CACNA1C: variants seen among roughly 807,000 people sequenced by gnomAD.
CACNA1C encodes calcium voltage-gated channel subunit alpha1 C, also known as voltage-dependent L-type calcium channel subunit alpha-1C.
A neutral mutation model predicts 229.0 loss-of-function variants in CACNA1C; 30 were observed. The observed-to-expected ratio is 0.13, with a 90% CI of 0.10 to 0.18. The LOEUF (loss-of-function observed/expected upper bound fraction) is 0.18, where lower values mean the gene tolerates loss of function less well. Ranked by LOEUF, CACNA1C falls within the 10% of genes least tolerant of loss-of-function variation. The pLI is 1.00. For missense variants in CACNA1C, 1,658 were observed against 2,845.0 expected, an observed-to-expected ratio of 0.58 and a Z score of 9.49; for synonymous variants, 1,114 against 1,132.5, an observed-to-expected ratio of 0.98 and a Z score of 0.33.
At chr12:2,188,447 G>A (rs1413207330) in intron 3 of CACNA1C, among the ~76,000 whole-genome samples, 2 of 152,000 alleles carry the variant, frequency 1.3e-5, no homozygotes, top group Non-Finnish European at 2.9e-5. Flanking sequence ...TGATTTTCTA[G>A]TTTTATATTT....
In CACNA1C at chr12:2,694,274, A is replaced by G. The variant is rs745934104; in HGVS notation, c.*3075A>G. 6.6e-6 allele frequency: 1 copy of G among 152,100 alleles called. No individual in the cohort carries two copies. Among genetic ancestry groups the G allele is most frequent in the Non-Finnish European group, 1.5e-5 (1 of 68,020 alleles). The allele number at this position is 152,100 out of a possible 1,614,324, so 9.4% of individuals were successfully genotyped here. On this transcript the variant is annotated 3_prime_UTR_variant, in exon 47 of 47. Coordinates refer to ENST00000399655, the MANE Select transcript of CACNA1C (RefSeq NM_000719.7). ...CAGCACAATCTTCCAAGTGATGTCT[A>G]CTCTCCACCTAAAATGGAATTTTCC...
intron 3 of CACNA1C, among the ~76,000 whole-genome samples, chr12:2,221,292 C>T (rs10774034): frequency 0.36 from 55,003 of 151,980 alleles, 10,427 homozygotes; most frequent in Non-Finnish European, 0.4. Context: ...TTTTAGAATA[C>T]CATCATTCTG....
intron 1 of CACNA1C, among the ~76,000 whole-genome samples, chr12:2,083,250 A>G (rs2066354093): frequency 6.6e-6 from 1 of 152,264 alleles, no homozygotes; most frequent in Non-Finnish European, 1.5e-5. Context: ...GGTGTCTTAC[A>G]GGCAAACAAA....
rs2099704080 is a variant in CACNA1C at position 2,488,112 on chromosome 12, G to A, written c.916+1850G>A. Among the ~76,000 whole-genome samples, 1 of 152,230 alleles carries A rather than the reference G, an allele frequency of 6.6e-6. No individual in the cohort carries two copies. Among genetic ancestry groups the A allele is most frequent in the African/African-American group, 2.4e-5 (1 of 41,468 alleles). ...GGTAGAATTCAGCCATCGAGCCAAA[G>A]ATGGCGGCCCTGCTGTGCAATCAGA... On this transcript the variant is annotated intron_variant, in intron 6 of 46. Transcript: ENST00000399655. The surrounding 1 kb of genome is among the most constrained non-coding windows in gnomAD (Gnocchi z 4.0).
intron 3 of CACNA1C, among the ~76,000 whole-genome samples, chr12:2,236,114 C>A (rs1201474683): frequency 2.6e-5 from 4 of 152,206 alleles, no homozygotes; most frequent in African/African-American, 9.6e-5. Context: ...AAGTTCCATT[C>A]CATCTCAGCC....
At chr12:2,422,888 A>C (rs2098992777) in intron 3 of CACNA1C, among the ~76,000 whole-genome samples, 2 of 152,206 alleles carry the variant, frequency 1.3e-5, no homozygotes, top group Non-Finnish European at 2.9e-5. Flanking sequence ...AACGCTGGCC[A>C]GGTCAGGGTG....
intron 19 of CACNA1C, 116 bp downstream of exon 19, chr12:2,593,461 A>C: frequency 9.3e-7 from 1 of 1,071,380 alleles, no homozygotes; most frequent in Non-Finnish European, 1.3e-6. Flanking sequence ...GCTCCTTGCA[A>C]ATTGTATAAA....
chr12:1,980,298 G>A (rs2035738801), intron 1 of CACNA1C, among the ~76,000 whole-genome samples: 2 of 152,232 alleles, frequency 1.3e-5, no homozygotes, highest in Admixed American at 6.5e-5. Context: ...AAGAAACTAC[G>A]GCTACATGCA....
intron 3 of CACNA1C, among the ~76,000 whole-genome samples, chr12:2,286,462 C>G (rs1174256195): frequency 6.6e-6 from 1 of 152,202 alleles, no homozygotes; most frequent in Admixed American, 6.5e-5. Context: ...AGGCTCTGCA[C>G]AGTAAGGACC....
intron 3 of CACNA1C, among the ~76,000 whole-genome samples, chr12:2,396,446 C>T (rs987057869): frequency 1.3e-5 from 2 of 152,148 alleles, no homozygotes; most frequent in Non-Finnish European, 2.9e-5. Flanking sequence ...GGCAGAAAGG[C>T]GATCCGGCTG....
intron 9 of CACNA1C, among the ~76,000 whole-genome samples, chr12:2,531,088 A>G (rs951151683): frequency 2.0e-5 from 3 of 152,256 alleles, no homozygotes; most frequent in Non-Finnish European, 4.4e-5. Flanking sequence ...AACGACAGCT[A>G]CTGCTCATCA....
At position 2,403,371 on chromosome 12, in the gene CACNA1C, C is replaced by T. The variant is rs2098700960; in HGVS notation, c.478-45605C>T. 6.6e-6 allele frequency among the ~76,000 whole-genome samples: 1 copy of T among 151,956 alleles called. No individual in the cohort carries two copies. The highest frequency in any genetic ancestry group is 1.5e-5 in the Non-Finnish European group (1 of 68,004). On this transcript the variant is annotated intron_variant, in intron 3 of 46. Coordinates refer to ENST00000399655, the MANE Select transcript of CACNA1C (RefSeq NM_000719.7). The surrounding 1 kb of genome is among the most constrained non-coding windows in gnomAD (Gnocchi z 4.1). Reference sequence around the variant, plus strand: ...GTCAAGGTGCGCTGCAGAGGGATGGCGTTGGAGGCAGGAGTGAGCGCGGAG... The same window carrying T: ...GTCAAGGTGCGCTGCAGAGGGATGGTGTTGGAGGCAGGAGTGAGCGCGGAG...
chr12:2,518,050 G>A (rs1197635267), intron 9 of CACNA1C, among the ~76,000 whole-genome samples: 2 of 152,220 alleles, frequency 1.3e-5, no homozygotes, highest in Non-Finnish European at 2.9e-5. Context: ...CAGATAAGCA[G>A]GATTAAATAT....
chr12:2,365,920 T>G (rs780746079), intron 3 of CACNA1C, among the ~76,000 whole-genome samples: 30 of 152,310 alleles, frequency 2.0e-4, no homozygotes, highest in Non-Finnish European at 4.1e-4. Flanking sequence ...AGAGCTGGAT[T>G]GTTGAATAAG....
chr12:2,079,590 C>T (rs977596286), intron 1 of CACNA1C, among the ~76,000 whole-genome samples: 14 of 152,288 alleles, frequency 9.2e-5, no homozygotes, highest in East Asian at 1.9e-4. Flanking sequence ...CAGAAGGCCG[C>T]ACCTCCTCAT....
At chr12:2,243,392 G>A (rs1211966386) in intron 3 of CACNA1C, among the ~76,000 whole-genome samples, 1 of 152,216 alleles carries the variant, frequency 6.6e-6, no homozygotes, top group Non-Finnish European at 1.5e-5. Context: ...AAGCTGGGCT[G>A]TGCCTGAGGT....
intron 9 of CACNA1C, among the ~76,000 whole-genome samples, chr12:2,519,189 A>G (rs577018461): frequency 4.3e-4 from 66 of 152,368 alleles, no homozygotes; most frequent in Admixed American, 9.1e-4. Flanking sequence ...TTGCTGGGCT[A>G]CACTGAGAGG....
At chr12:2,277,729 C>T (rs2089413823) in intron 3 of CACNA1C, among the ~76,000 whole-genome samples, 2 of 152,250 alleles carry the variant, frequency 1.3e-5, no homozygotes, top group South Asian at 2.1e-4. Context: ...CTCCTGCCTT[C>T]TCTACCTCAC....
At chr12:2,584,399 C>G in intron 15 of CACNA1C, 104 bp from the exon 16 acceptor site, 4 of 747,392 alleles carry the variant, frequency 5.4e-6, no homozygotes, top group Middle Eastern at 3.0e-4. Flanking sequence ...CTCAAGCTCT[C>G]TCTGCTGAGG....
Sources: gnomAD v4.1 joint callset for allele counts (sites outside exome capture counted in the v4.1 genomes callset) on GRCh38, gnomAD v4.1.1 for gene constraint, Gnocchi (gnomAD v3.1) non-coding constraint, MANE v1.5 for transcripts, NCBI Gene and HGNC (gene_info 2026-07-23, HGNC 2026-07-21) for gene names.